The following ZNF10 variants were observed in gnomAD, a reference collection of about 807,000 sequenced individuals.
ZNF10 encodes zinc finger protein 10 (KOX 1).
ZNF10 carries 8 observed loss-of-function variants against 12.2 expected under a neutral mutation model. The observed-to-expected ratio is 0.66, with a 90% CI of 0.39 to 1.18. ZNF10 has a LOEUF of 1.18. Ranked by LOEUF, ZNF10 falls within the 50% of genes most tolerant of loss-of-function variation. The pLI is 0.01. For missense variants in ZNF10, 603 were observed against 678.9 expected (o/e 0.89, Z 1.24); for synonymous variants, 229 against 228.2 (o/e 1.00, Z -0.03).
chr12:133,150,192 C>T (rs1306758959), intron 2 of ZNF10, among the ~76,000 whole-genome samples: 1 of 152,194 alleles, frequency 6.6e-6, no homozygotes, highest in East Asian at 1.9e-4. Flanking sequence ...TCAGGTTTCT[C>T]TCTGGTATCA....
intron 4 of ZNF10, 150 bp from the exon 5 acceptor site, chr12:133,155,353 C>A: frequency 1.1e-6 from 1 of 878,780 alleles, no homozygotes; most frequent in Non-Finnish European, 1.7e-6. Context: ...GTTTACCGCT[C>A]CATTCTTCCT....
intron 4 of ZNF10, among the ~76,000 whole-genome samples, chr12:133,153,836 C>G (rs1396725846): frequency 6.6e-6 from 1 of 152,182 alleles, no homozygotes; most frequent in African/African-American, 2.4e-5. Context: ...CTCTGCTACG[C>G]TTCTAGGAGA....
intron 4 of ZNF10, 112 bp from the exon 5 acceptor site, chr12:133,155,391 G>A: frequency 8.8e-7 from 1 of 1,141,020 alleles, no homozygotes; most frequent in Non-Finnish European, 1.2e-6. Context: ...AAGTTATAAA[G>A]CCATATTTGA....
intron 1 of ZNF10, chr12:133,139,371 C>T (rs1955931223): frequency 6.6e-6 from 1 of 152,168 alleles, no homozygotes; most frequent in African/African-American, 2.4e-5. Context: ...TCAGGCAACT[C>T]AAGTGGTTCA....
In ZNF10 at chr12:133,158,791, G is replaced by C. The variant is rs544441509; in HGVS notation, c.*1823G>C. The C allele has an allele frequency of 7.6e-4, 115 of 152,302 alleles. No homozygotes were observed. Among genetic ancestry groups the C allele is most frequent in the African/African-American group, 2.7e-3 (111 of 41,572 alleles). The allele number at this position is 152,302 out of a possible 1,614,324, so 9.4% of individuals were successfully genotyped here. The stretch of plus-strand genomic sequence containing the variant: ...TGATGGTTAGAATCAGGAGACTTGA[G>C]AACTACGAGGAACATGGCAGCCTCT... On this transcript the variant is annotated 3_prime_UTR_variant, in exon 5 of 5. Coordinates refer to ENST00000248211, the MANE Select transcript of ZNF10 (RefSeq NM_015394.5).
chr12:133,137,680 A>G (rs1447338549), intron 1 of ZNF10, among the ~76,000 whole-genome samples: 4 of 152,180 alleles, frequency 2.6e-5, no homozygotes, highest in Admixed American at 2.6e-4. Flanking sequence ...CAGTAGCCTC[A>G]GCTGCTTGAG....
Position 133,130,756 on chromosome 12 carries a change from T to A in ZNF10, c.-60+2T>A, listed in dbSNP as rs1376444655. On this transcript the variant is annotated splice_donor_variant, in intron 1 of 4. Transcript: ENST00000248211. LOFTEE classifies it low-confidence loss of function (5UTR_SPLICE). The stretch of plus-strand genomic sequence containing the variant: ...GAACCTTCTAGTTGCTTATTGCAGG[T>A]ATATACGAAAGTGCTGAATTTTGTG... 6.6e-6 allele frequency: 1 copy of A among 152,456 alleles called. No individual in the cohort carries two copies. The highest frequency in any genetic ancestry group is 2.4e-5 in the African/African-American group (1 of 41,466). 9.4% of individuals were successfully genotyped at this position (152,456 alleles called of 1,614,324 possible).
intron 2 of ZNF10, among the ~76,000 whole-genome samples, chr12:133,149,505 A>G (rs763649795): frequency 1.3e-5 from 2 of 151,206 alleles, no homozygotes; most frequent in African/African-American, 4.9e-5. Context: ...CTACAGGCAC[A>G]TGCCACCACG....
At position 133,155,971 on chromosome 12, in the gene ZNF10, A is replaced by C; in HGVS notation, c.725A>C (p.Asp242Ala). The C allele has an allele frequency of 1.2e-6, 2 of 1,614,094 alleles. No individual in the cohort carries two copies. Among genetic ancestry groups the C allele is most frequent in the Non-Finnish European group, 1.7e-6 (2 of 1,180,018 alleles). Reference protein sequence around the residue: ...HTGDKSYKCPDNDNSLTHGSS... With the variant: ...HTGDKSYKCPANDNSLTHGSS... ...GGTGATAAATCCTACAAATGCCCTG[A>C]TAATGACAACTCTCTTACTCATGGT... The change falls in exon 5 of 5, where the codon GAT becomes GCT. Residue 242 changes from aspartate (D) to alanine (A), a missense_variant. By Grantham distance (126) the Asp-to-Ala change is moderately radical (BLOSUM62 -2). Transcript: ENST00000248211.
At chr12:133,149,212 G>A (rs916939235) in intron 2 of ZNF10, among the ~76,000 whole-genome samples, 8 of 151,926 alleles carry the variant, frequency 5.3e-5, no homozygotes, top group Non-Finnish European at 8.8e-5. Context: ...TCTCCCACCT[G>A]TCTCCCCAGT....
In ZNF10 at chr12:133,151,812, A is replaced by T; in HGVS notation, c.164A>T (p.Tyr55Phe). ...CTTTGTCTTTCACTGTGAACAGGTT[A>T]TCAGCTTACTAAGCCAGATGTGATC... ...ENYKNLVSLG[Y>F]QLTKPDVILR... Residue 55 changes from tyrosine to phenylalanine, a missense_variant, in exon 4 of 5, where the codon TAT becomes TTT. Physicochemically the swap from Tyr to Phe is conservative, Grantham distance 22 (BLOSUM62 3). Coordinates refer to ENST00000248211, the MANE Select transcript of ZNF10 (RefSeq NM_015394.5). 1 of 1,613,302 alleles carries T rather than the reference A, an allele frequency of 6.2e-7. No homozygotes were observed. The highest frequency in any genetic ancestry group is 8.5e-7 in the Non-Finnish European group (1 of 1,179,450).
chr12:133,146,758 A>G (rs1955978526), intron 2 of ZNF10, among the ~76,000 whole-genome samples: 1 of 151,964 alleles, frequency 6.6e-6, no homozygotes, highest in South Asian at 2.1e-4. Context: ...AGGCAGGAGA[A>G]TTGCTTGAAC....
At chr12:133,141,739 C>G (rs536048273) in intron 1 of ZNF10, among the ~76,000 whole-genome samples, 1 of 152,092 alleles carries the variant, frequency 6.6e-6, no homozygotes, top group Non-Finnish European at 1.5e-5. Flanking sequence ...ATTGGAGTCC[C>G]TGAAGAAGAG....
chr12:133,153,276 T>C (rs1324596688), intron 4 of ZNF10, among the ~76,000 whole-genome samples: 1 of 152,160 alleles, frequency 6.6e-6, no homozygotes, highest in African/African-American at 2.4e-5. Context: ...AAAAATATAA[T>C]GAATGATGAT....
intron 2 of ZNF10, among the ~76,000 whole-genome samples, chr12:133,145,170 G>C (rs889824641): frequency 1.3e-5 from 2 of 152,108 alleles, no homozygotes; most frequent in Non-Finnish European, 2.9e-5. Context: ...GAGCTACCCC[G>C]CCCGGCCAAC....
chr12:133,150,458 G>C (rs1337587076), intron 2 of ZNF10, among the ~76,000 whole-genome samples: 3 of 152,030 alleles, frequency 2.0e-5, no homozygotes, highest in Non-Finnish European at 4.4e-5. Flanking sequence ...TTTTTCTCTA[G>C]ATACAATCAA....
intron 2 of ZNF10, among the ~76,000 whole-genome samples, chr12:133,146,622 G>C (rs946377395): frequency 2.0e-5 from 3 of 152,126 alleles, no homozygotes; most frequent in African/African-American, 7.2e-5. Flanking sequence ...GAGGCGGGTG[G>C]ATCACTTGAG....
chr12:133,140,209 A>G (rs915834061), intron 1 of ZNF10, among the ~76,000 whole-genome samples: 6 of 138,008 alleles, frequency 4.3e-5, no homozygotes, highest in African/African-American at 1.6e-4. Flanking sequence ...TCTCAAAAAA[A>G]AAAAAAAAAA....
At chr12:133,135,908 T>C (rs1485530913) in intron 1 of ZNF10, among the ~76,000 whole-genome samples, 3 of 152,226 alleles carry the variant, frequency 2.0e-5, no homozygotes, top group Non-Finnish European at 4.4e-5. Context: ...ATGACAGACA[T>C]ACTCTCCGTA....
Sources: allele counts gnomAD v4.1 joint callset (sites outside exome capture counted in the v4.1 genomes callset), GRCh38; gene constraint gnomAD v4.1.1; transcripts MANE v1.5; gene names NCBI Gene and HGNC (gene_info 2026-07-23, HGNC 2026-07-21).